C2orf49: variants seen among roughly 807,000 people sequenced by gnomAD.
C2orf49 encodes the protein tRNA-splicing ligase complex subunit ASW.
A neutral mutation model predicts 20.6 loss-of-function variants in C2orf49; 11 were observed. The ratio of observed to expected loss-of-function variants is 0.53; its 90% CI spans 0.34 to 0.88. C2orf49 has a LOEUF of 0.88. Ranked by LOEUF, C2orf49 falls within the 40% of genes least tolerant of loss-of-function variation. The pLI is 0.02. For missense variants in C2orf49, 289 were observed against 274.2 expected (o/e 1.05, Z -0.38); for synonymous variants, 134 against 108.5 (o/e 1.24, Z -1.46).
At position 105,348,489 on chromosome 2, in the gene C2orf49, A is replaced by G. The variant is rs1367735356; in HGVS notation, c.*3118A>G. The G allele has an allele frequency of 6.7e-6, 1 of 149,784 alleles. No individual in the cohort carries two copies. The highest frequency in any genetic ancestry group is 1.5e-5 in the Non-Finnish European group (1 of 67,526). 9.3% of individuals were successfully genotyped at this position (149,784 alleles called of 1,614,324 possible). A position where few individuals can be genotyped will look rare whatever the true frequency, so the allele number is the denominator to read the frequency against. Reference sequence around the variant, plus strand: ...TCATTCAATAGCAATGTGACCTTTTAAATACTTACATTAAGTAAAACTGCC... The same window carrying G: ...TCATTCAATAGCAATGTGACCTTTTGAATACTTACATTAAGTAAAACTGCC... On this transcript the variant is annotated 3_prime_UTR_variant, in exon 4 of 4. Transcript: ENST00000258457.
the C2orf49 span, among the ~76,000 whole-genome samples, chr2:105,364,340 T>G: frequency 6.6e-6 from 1 of 152,166 alleles, no homozygotes; most frequent in Non-Finnish European, 1.5e-5. Flanking sequence ...CTCCAGCCAC[T>G]TACGGTGAAA....
chr2:105,372,720 C>G, the C2orf49 span, among the ~76,000 whole-genome samples: 1 of 151,958 alleles, frequency 6.6e-6, no homozygotes, highest in Non-Finnish European at 1.5e-5. Context: ...ACCTGGGAGG[C>G]AGAGGTTGCA....
the C2orf49 span, among the ~76,000 whole-genome samples, chr2:105,368,494 G>A: frequency 6.6e-6 from 1 of 152,168 alleles, no homozygotes; most frequent in Non-Finnish European, 1.5e-5. Context: ...ATGCCTGGCT[G>A]AAATCTTCAT....
At chr2:105,381,153 C>G in the C2orf49 span, among the ~76,000 whole-genome samples, 4 of 152,186 alleles carry the variant, frequency 2.6e-5, no homozygotes, top group African/African-American at 9.7e-5. Flanking sequence ...AACCATTCTT[C>G]AGATCCATAC....
the C2orf49 span, chr2:105,373,968 A>T: frequency 3.6e-6 from 2 of 561,086 alleles, no homozygotes; most frequent in African/African-American, 3.8e-5. Flanking sequence ...GCATGTATGC[A>T]CATGTCTGTG....
chr2:105,349,064 T>G lies in C2orf49; in HGVS notation c.*3693T>G, dbSNP rs1278792854. ...AGTCTCTGAACTTCCCATGTAATAT[T>G]AAAGCTCTTAACAAAATGAGACAAA... On this transcript the variant is annotated 3_prime_UTR_variant, in exon 4 of 4. Coordinates refer to ENST00000258457, the MANE Select transcript of C2orf49 (RefSeq NM_024093.3). The G allele has an allele frequency of 6.6e-6, 1 of 152,170 alleles. No individual in the cohort carries two copies. The highest frequency in any genetic ancestry group is 1.5e-5 in the Non-Finnish European group (1 of 68,024). 9.4% of individuals were successfully genotyped at this position (152,170 alleles called of 1,614,324 possible).
At chr2:105,350,382 C>T (rs1679906588), downstream of C2orf49, among the ~76,000 whole-genome samples, 1 of 152,114 alleles carries the variant, frequency 6.6e-6, no homozygotes, top group African/African-American at 2.4e-5. Flanking sequence ...TAGGCAGGAG[C>T]CAGATGATGT....
At chr2:105,355,071 G>C in the C2orf49 span, among the ~76,000 whole-genome samples, 1 of 152,212 alleles carries the variant, frequency 6.6e-6, no homozygotes, top group African/African-American at 2.4e-5. Context: ...ATGTAAGGGA[G>C]AGAGAAGTCA....
chr2:105,383,396 A>G, the C2orf49 span, among the ~76,000 whole-genome samples: 47 of 152,198 alleles, frequency 3.1e-4, no homozygotes, highest in African/African-American at 1.1e-3. Flanking sequence ...AATAATCTTT[A>G]CCCTTTGAGA....
At chr2:105,352,458 T>G (rs1679961040), downstream of C2orf49, among the ~76,000 whole-genome samples, 1 of 146,274 alleles carries the variant, frequency 6.8e-6, no homozygotes, top group Non-Finnish European at 1.5e-5. Context: ...TTTCGTTTTT[T>G]TTTTGAGATG....
At chr2:105,377,713 T>G in the C2orf49 span, 1 of 219,836 alleles carries the variant, frequency 4.5e-6, no homozygotes, top group South Asian at 6.8e-5. Context: ...TGTCCCCCTG[T>G]GCAGGCGAGC....
At chr2:105,351,070 T>C (rs1011774032), downstream of C2orf49, among the ~76,000 whole-genome samples, 10 of 152,180 alleles carry the variant, frequency 6.6e-5, no homozygotes, top group African/African-American at 2.4e-4. Context: ...GGTAAATACC[T>C]GGAGAATGTT....
the C2orf49 span, among the ~76,000 whole-genome samples, chr2:105,361,790 T>G: frequency 1.3e-5 from 2 of 152,292 alleles, no homozygotes; most frequent in Admixed American, 1.3e-4. Flanking sequence ...TGCCTGGTGC[T>G]CAAATTTTTA....
At chr2:105,356,253 TG>T in the C2orf49 span, among the ~76,000 whole-genome samples, 1,976 of 152,142 alleles carry the variant, frequency 0.013, 52 homozygotes, top group African/African-American at 0.046. Context: ...GAGCTGGGCG[TG>T]GTGGCAGGCG....
the C2orf49 span, chr2:105,359,592 T>G: frequency 6.6e-6 from 1 of 152,218 alleles, no homozygotes; most frequent in African/African-American, 2.4e-5. Flanking sequence ...TAAAGAGAAC[T>G]GTGCAATGTT....
chr2:105,352,429 G>GTTTTTTTTTTTT (rs61585149), downstream of C2orf49, among the ~76,000 whole-genome samples: 2 of 80,758 alleles, frequency 2.5e-5, no homozygotes, highest in African/African-American at 5.1e-5. Context: ...GTTTGTTTGG[G>GTTTTTTTTTTTT]TTTTTTTTTT....
chr2:105,343,325 T>G, intron 3 of C2orf49, 102 bp downstream of exon 3: 1 of 1,126,662 alleles, frequency 8.9e-7, no homozygotes, highest in Non-Finnish European at 1.2e-6. Context: ...ATTCTGTTCT[T>G]GAACCCTTTT....
downstream of C2orf49, among the ~76,000 whole-genome samples, chr2:105,351,917 GTATC>G (rs1344833116): frequency 1.3e-5 from 2 of 152,142 alleles, no homozygotes; most frequent in African/African-American, 4.8e-5. Context: ...GTAACCATCT[GTATC>G]TATAGTAACT....
the C2orf49 span, among the ~76,000 whole-genome samples, chr2:105,369,794 C>T: frequency 6.6e-6 from 1 of 152,230 alleles, no homozygotes; most frequent in Admixed American, 6.5e-5. Context: ...GCAATTATGA[C>T]TCTCATGGCA....
Sources: allele counts gnomAD v4.1 joint callset (sites outside exome capture counted in the v4.1 genomes callset), GRCh38; gene constraint gnomAD v4.1.1; transcripts MANE v1.5; gene names NCBI Gene and HGNC (gene_info 2026-07-23, HGNC 2026-07-21).